The following KCNJ5 variants were observed in gnomAD, a reference collection of about 807,000 sequenced individuals.
KCNJ5 encodes G protein-activated inward rectifier potassium channel 4.
Under a neutral mutation model 20.2 loss-of-function variants are expected in KCNJ5, and 12 were observed. That is an observed-to-expected ratio of 0.59 (90% CI 0.38 to 0.96). KCNJ5 has a LOEUF of 0.96. KCNJ5 is among the 40% of genes least tolerant of loss of function. The pLI is 0.00. For missense variants in KCNJ5, 449 were observed against 557.6 expected (o/e 0.81, Z 1.96); for synonymous variants, 210 against 213.9 (o/e 0.98, Z 0.16).
In KCNJ5 at chr11:128,903,627, G is replaced by A. The variant is rs564283900; in HGVS notation, c.-10-7637G>A. ...TCCAAGCAGACCTTCAGAGAGTGACGGGGCACTCTTGGTGATGATGCCAGA... is the reference window on the plus strand; with the variant it reads ...TCCAAGCAGACCTTCAGAGAGTGACAGGGCACTCTTGGTGATGATGCCAGA... On this transcript the variant is annotated intron_variant, in intron 1 of 2. Transcript: ENST00000529694. The A allele has an allele frequency of 2.2e-4, 247 of 1,110,672 alleles. 3 individuals carry two copies. In the South Asian group the frequency reaches 3.1e-3, roughly 14 times the overall value. 68.8% of individuals were successfully genotyped at this position (1,110,672 alleles called of 1,614,324 possible). A position where few individuals can be genotyped will look rare whatever the true frequency, so the allele number is the denominator to read the frequency against.
intron 2 of KCNJ5, among the ~76,000 whole-genome samples, chr11:128,914,620 G>C (rs1298218573): frequency 6.6e-6 from 1 of 152,214 alleles, no homozygotes; most frequent in Admixed American, 6.5e-5. Context: ...GAGCGGGTTT[G>C]AGCAAGCTGC....
At chr11:128,915,166 A>T (rs1944558816) in intron 2 of KCNJ5, among the ~76,000 whole-genome samples, 1 of 152,236 alleles carries the variant, frequency 6.6e-6, no homozygotes, top group African/African-American at 2.4e-5. Flanking sequence ...TGGCCAGAAG[A>T]TTAAATATCA....
At position 128,916,506 on chromosome 11, in the gene KCNJ5, G is replaced by C; in HGVS notation, c.1035G>C (p.Glu345Asp). 6.2e-7 allele frequency: 1 copy of C among 1,614,214 alleles called. No individual in the cohort carries two copies. Among genetic ancestry groups the C allele is most frequent in the South Asian group, 1.1e-5 (1 of 91,082 alleles). The change falls in exon 3 of 3, where the codon GAG becomes GAC. Residue 345 changes from glutamate to aspartate, a missense_variant. This residue lies in a region of KCNJ5 where 34 missense variants were observed against 63.8 expected (regional missense o/e 0.53). Coordinates refer to ENST00000529694, the MANE Select transcript of KCNJ5 (RefSeq NM_000890.5). ...TCACCTTGGAAAAGGGCTTCTATGA[G>C]GTGGACTACAACACCTTCCATGATA... The part of the protein sequence containing the change: ...PVLTLEKGFY[E>D]VDYNTFHDTY...
At chr11:128,909,409 C>T (rs1161874281) in intron 1 of KCNJ5, among the ~76,000 whole-genome samples, 1 of 152,242 alleles carries the variant, frequency 6.6e-6, no homozygotes, top group Non-Finnish European at 1.5e-5. Flanking sequence ...GAAGAAATCA[C>T]CAAGTTCCAA....
Position 128,912,107 on chromosome 11 carries a change from T to G in KCNJ5, c.834T>G (p.His278Gln), listed in dbSNP as rs7118833. ...LFLVSPLIIS[H>Q]EINQKSPFWE... ...TTGTGTCTCCTCTGATCATCTCCCA[T>G]GAGATCAACCAGAAGAGCCCTTTCT... Residue 278 changes from histidine to glutamine, a missense_variant, in exon 2 of 3, where the codon CAT becomes CAG. Transcript: ENST00000529694. 3.7e-6 allele frequency: 6 copies of G among 1,613,366 alleles called. No homozygotes were observed. Among genetic ancestry groups the G allele is most frequent in the Non-Finnish European group, 1.7e-6 (2 of 1,179,832 alleles).
intron 1 of KCNJ5, chr11:128,902,464 G>A: frequency 6.6e-7 from 1 of 1,509,096 alleles, no homozygotes; most frequent in Non-Finnish European, 9.0e-7. Flanking sequence ...AGGCAGCGAG[G>A]AACCCCGCAC....
chr11:128,896,468 A>G (rs539621843), intron 1 of KCNJ5, among the ~76,000 whole-genome samples: 2 of 152,326 alleles, frequency 1.3e-5, no homozygotes, highest in South Asian at 2.1e-4. Flanking sequence ...AACCTCTGGC[A>G]ACCACTGGTC....
intron 1 of KCNJ5, among the ~76,000 whole-genome samples, chr11:128,907,928 A>C (rs1223884351): frequency 6.6e-6 from 1 of 152,252 alleles, no homozygotes; most frequent in East Asian, 1.9e-4. Context: ...TAATGAGTGC[A>C]TAATTAATAG....
chr11:128,910,750 C>T (rs925099503), intron 1 of KCNJ5, among the ~76,000 whole-genome samples: 1 of 152,214 alleles, frequency 6.6e-6, no homozygotes, highest in African/African-American at 2.4e-5. Flanking sequence ...TGAACACAAA[C>T]TTATGCCCCT....
Position 128,920,036 on chromosome 11 carries a change from G to A in KCNJ5, c.*3305G>A, listed in dbSNP as rs1944645718. On this transcript the variant is annotated 3_prime_UTR_variant, in exon 3 of 3. Coordinates refer to ENST00000529694, the MANE Select transcript of KCNJ5 (RefSeq NM_000890.5). ...GATATTTCACTTTCGGACCCTGAAA[G>A]TTTGGAGAGCTGGTTTCTTGCCTTA... 6.6e-6 allele frequency: 1 copy of A among 152,232 alleles called. No individual in the cohort carries two copies. The highest frequency in any genetic ancestry group is 2.1e-4 in the South Asian group (1 of 4,832). The allele number at this position is 152,232 out of a possible 1,614,324, so 9.4% of individuals were successfully genotyped here.
At chr11:128,902,124 G>A (rs1944293562) in intron 1 of KCNJ5, 1 of 187,142 alleles carries the variant, frequency 5.3e-6, no homozygotes, top group African/African-American at 2.4e-5. Context: ...GGAGCCCCTG[G>A]GAGCCCATGA....
Position 128,907,252 on chromosome 11 carries a change from G to T in KCNJ5, c.-10-4012G>T, listed in dbSNP as rs77430064. On this transcript the variant is annotated intron_variant, in intron 1 of 2. Coordinates refer to ENST00000529694, the MANE Select transcript of KCNJ5 (RefSeq NM_000890.5). ...AGATGCTTGTGATCACAGATAGGGA[G>T]ACTGAGTCTGTGAAAAGACTCCCAA... is the stretch of plus-strand genomic sequence containing the variant. Among the ~76,000 whole-genome samples the T allele has an allele frequency of 7.7e-3, 1,166 of 152,262 alleles. 15 individuals carry two copies. Among genetic ancestry groups the T allele is most frequent in the African/African-American group, 0.026 (1,096 of 41,532 alleles).
At position 128,916,535 on chromosome 11, in the gene KCNJ5, A is replaced by G. The variant is rs1406776592; in HGVS notation, c.1064A>G (p.Tyr355Cys). The change falls in exon 3 of 3, where the codon TAT (tyrosine) becomes TGT (cysteine). Residue 355 changes from tyrosine to cysteine, a missense_variant. Around this residue, in one of 5 missense-constraint regions of KCNJ5, gnomAD observed 34 missense variants for 63.8 expected, o/e 0.53. Coordinates refer to ENST00000529694, the MANE Select transcript of KCNJ5 (RefSeq NM_000890.5). ...EVDYNTFHDT[Y>C]ETNTPSCCAK... ...GACTACAACACCTTCCATGATACCT[A>G]TGAGACCAACACACCCAGCTGCTGT... The G allele has an allele frequency of 1.9e-6, 3 of 1,614,130 alleles. No homozygotes were observed. Among genetic ancestry groups the G allele is most frequent in the Admixed American group, 1.7e-5 (1 of 60,022 alleles).
At chr11:128,894,130 A>G (rs2135981274) in intron 1 of KCNJ5, among the ~76,000 whole-genome samples, 1 of 151,662 alleles carries the variant, frequency 6.6e-6, no homozygotes, top group East Asian at 1.9e-4. Context: ...GCGAAGCCAC[A>G]AACAGGTGTC....
intron 1 of KCNJ5, chr11:128,905,759 G>C (rs1057284074): frequency 2.6e-5 from 4 of 152,712 alleles, no homozygotes; most frequent in Non-Finnish European, 4.4e-5. Flanking sequence ...GGGCGGGGCG[G>C]GGGGAGGAAA....
At chr11:128,903,726 T>C (rs976894587) in intron 1 of KCNJ5, among the ~76,000 whole-genome samples, 2 of 152,120 alleles carry the variant, frequency 1.3e-5, no homozygotes, top group African/African-American at 4.8e-5. Context: ...GGGCAAGTAT[T>C]GTGCTTAGAA....
intron 1 of KCNJ5, among the ~76,000 whole-genome samples, chr11:128,905,230 T>C (rs2135992684): frequency 6.6e-6 from 1 of 152,274 alleles, no homozygotes; most frequent in South Asian, 2.1e-4. Flanking sequence ...ACAGGGCCTC[T>C]GTCTCCCCTC....
At chr11:128,909,564 C>T (rs1259660586) in intron 1 of KCNJ5, among the ~76,000 whole-genome samples, 1 of 152,244 alleles carries the variant, frequency 6.6e-6, no homozygotes, top group African/African-American at 2.4e-5. Flanking sequence ...CTAATTCCTA[C>T]ATGTTTAGCA....
chr11:128,901,943 G>C (rs2135987989), intron 1 of KCNJ5: 1 of 157,224 alleles, frequency 6.4e-6, no homozygotes, highest in Non-Finnish European at 1.4e-5. Context: ...AGACTGTTCT[G>C]AGATCCGCGC....
Sources: allele counts gnomAD v4.1 joint callset (sites outside exome capture counted in the v4.1 genomes callset), GRCh38; gene constraint gnomAD v4.1.1; regional missense constraint gnomAD v4.1.1; transcripts MANE v1.5; gene names NCBI Gene and HGNC (gene_info 2026-07-23, HGNC 2026-07-21).